Variants in CSMD1 observed in about 807,000 individuals in gnomAD.
The protein encoded by CSMD1 is CUB and Sushi multiple domains 1, also known as CUB and sushi domain-containing protein 1.
CSMD1 carries 213 observed loss-of-function variants against 417.5 expected under a neutral mutation model. That is an observed-to-expected ratio of 0.51 (90% CI 0.46 to 0.57). CSMD1 has a LOEUF of 0.57. CSMD1 is among the 20% of genes least tolerant of loss of function. CSMD1 has a pLI of 0.00. For synonymous variants in CSMD1, 2,862 were observed against 1,736.8 expected, an observed-to-expected ratio of 1.65 and a Z score of -16.11; for missense variants, 6,923 against 4,529.7, an observed-to-expected ratio of 1.53 and a Z score of -15.17.
chr8:4,063,998 A>C (rs1215799926), intron 3 of CSMD1, among the ~76,000 whole-genome samples: 1 of 152,166 alleles, frequency 6.6e-6, no homozygotes, highest in African/African-American at 2.4e-5. Context: ...TGGGGAAATG[A>C]GTGTACCTAA....
In CSMD1 at chr8:4,950,436, C is replaced by T. The variant is rs73513878; in HGVS notation, c.85+43896G>A. ...TTTAGATTCTTTTATTTTAAATAAA[C>T]GACTCAACTTGTGAAAAAGCAGAAC... On this transcript the variant is annotated intron_variant, in intron 1 of 69. Transcript: ENST00000635120. Among the ~76,000 whole-genome samples the T allele has an allele frequency of 4.9e-3, 740 of 152,076 alleles. 6 individuals are homozygous for T. The highest frequency in any genetic ancestry group is 0.016 in the African/African-American group (682 of 41,496).
intron 5 of CSMD1, among the ~76,000 whole-genome samples, chr8:3,958,550 G>C (rs1167423939): frequency 6.6e-6 from 1 of 152,066 alleles, no homozygotes; most frequent in Non-Finnish European, 1.5e-5. Flanking sequence ...TTCATTTACT[G>C]AGGTATCAAT....
At chr8:3,531,790 G>A (rs375687155) in intron 10 of CSMD1, among the ~76,000 whole-genome samples, 1 of 152,226 alleles carries the variant, frequency 6.6e-6, no homozygotes, top group African/African-American at 2.4e-5. Flanking sequence ...ACATAGATAA[G>A]CAAGCTAGAA....
intron 41 of CSMD1, among the ~76,000 whole-genome samples, chr8:3,125,808 C>T (rs1817476467): frequency 1.3e-5 from 2 of 152,140 alleles, no homozygotes. Context: ...GAAATCCTAT[C>T]TCTACTAAAA....
intron 7 of CSMD1, among the ~76,000 whole-genome samples, chr8:3,617,681 A>G (rs2117174830): frequency 6.6e-6 from 1 of 152,340 alleles, no homozygotes; most frequent in South Asian, 2.1e-4. Context: ...TGGAGACAAC[A>G]GCATGTATGC....
intron 3 of CSMD1, among the ~76,000 whole-genome samples, chr8:4,159,380 G>A (rs1226834470): frequency 2.0e-5 from 3 of 152,142 alleles, no homozygotes; most frequent in Non-Finnish European, 2.9e-5. Context: ...ATCCCACTAT[G>A]TGATATCTAC....
chr8:4,337,701 A>G (rs571832334), intron 3 of CSMD1, among the ~76,000 whole-genome samples: 25 of 152,148 alleles, frequency 1.6e-4, no homozygotes, highest in Non-Finnish European at 3.4e-4. Context: ...CCAACTTTTA[A>G]AAGAGTACAC....
chr8:4,893,460 T>C (rs1349601950), intron 1 of CSMD1, among the ~76,000 whole-genome samples: 1 of 152,138 alleles, frequency 6.6e-6, no homozygotes, highest in Non-Finnish European at 1.5e-5. Context: ...TCAGGGTTTA[T>C]TTGTTGTCTT....
chr8:3,417,653 G>C (rs1452047036), intron 12 of CSMD1, among the ~76,000 whole-genome samples: 1 of 150,960 alleles, frequency 6.6e-6, no homozygotes, highest in Non-Finnish European at 1.5e-5. Context: ...CATTTTCGCT[G>C]AAGAGAGAGT....
intron 5 of CSMD1, among the ~76,000 whole-genome samples, chr8:3,873,083 G>C (rs896316272): frequency 2.6e-5 from 4 of 151,948 alleles, no homozygotes; most frequent in Non-Finnish European, 5.9e-5. Context: ...AGATAAAATG[G>C]AACATGTATA....
chr8:4,067,305 T>C (rs1436240671), intron 3 of CSMD1, among the ~76,000 whole-genome samples: 1 of 152,210 alleles, frequency 6.6e-6, no homozygotes, highest in East Asian at 1.9e-4. Context: ...TCCGCCATAC[T>C]AAATTTTCGT....
At chr8:4,478,586 A>G (rs1205485793) in intron 2 of CSMD1, among the ~76,000 whole-genome samples, 5 of 152,216 alleles carry the variant, frequency 3.3e-5, no homozygotes, top group Non-Finnish European at 7.3e-5. Context: ...GACATTAATA[A>G]TGAAGCAAAA....
chr8:4,192,977 T>C lies in CSMD1; in HGVS notation c.416-160878A>G, dbSNP rs537173716. On this transcript the variant is annotated intron_variant, in intron 3 of 69. Coordinates refer to ENST00000635120, the MANE Select transcript of CSMD1 (RefSeq NM_033225.6). ...TTCCTATTTTCATAATATTTGAGTG[T>C]TTTGCAAATCAAATGCAATCATATC... Among the ~76,000 whole-genome samples, 5 of 152,366 alleles carry C rather than the reference T, an allele frequency of 3.3e-5. No individual in the cohort carries two copies. In the South Asian group the frequency reaches 1.0e-3, roughly 32 times the overall value.
At chr8:2,966,247 C>A (rs1803943988) in intron 58 of CSMD1, among the ~76,000 whole-genome samples, 1 of 152,124 alleles carries the variant, frequency 6.6e-6, no homozygotes, top group Non-Finnish European at 1.5e-5. Context: ...AAAGATGAAG[C>A]CTGCAGCCAG....
chr8:3,277,848 A>G (rs547583312), intron 26 of CSMD1, among the ~76,000 whole-genome samples: 1 of 152,334 alleles, frequency 6.6e-6, no homozygotes, highest in East Asian at 1.9e-4. Flanking sequence ...CAAGGGTTAC[A>G]TTAAACCACA....
chr8:4,210,454 G>C (rs1162743234), intron 3 of CSMD1, among the ~76,000 whole-genome samples: 1 of 152,282 alleles, frequency 6.6e-6, no homozygotes, highest in Middle Eastern at 3.4e-3. Context: ...AAAAGATCAA[G>C]TTTCTAACTT....
intron 5 of CSMD1, among the ~76,000 whole-genome samples, chr8:3,913,651 A>G (rs1482739672): frequency 6.6e-6 from 1 of 152,166 alleles, no homozygotes; most frequent in Non-Finnish European, 1.5e-5. Context: ...GCATTGAGAC[A>G]TTTGGGTCAG....
At chr8:4,405,790 G>C (rs571789678) in intron 3 of CSMD1, among the ~76,000 whole-genome samples, 1 of 152,192 alleles carries the variant, frequency 6.6e-6, no homozygotes, top group East Asian at 1.9e-4. Flanking sequence ...TTTGTTGAGT[G>C]ATTTTAGACA....
chr8:3,716,224 A>C (rs2469306), intron 6 of CSMD1, among the ~76,000 whole-genome samples: 50,944 of 152,044 alleles, frequency 0.34, 8,726 homozygotes, highest in East Asian at 0.5. Flanking sequence ...CTGTGGCTGG[A>C]AAGTGGTCCT....
Sources: gnomAD v4.1 joint callset for allele counts (sites outside exome capture counted in the v4.1 genomes callset) on GRCh38, gnomAD v4.1.1 for gene constraint, MANE v1.5 for transcripts, NCBI Gene and HGNC (gene_info 2026-07-23, HGNC 2026-07-21) for gene names.